The following PRUNE1 variants were observed in gnomAD, a reference collection of about 807,000 sequenced individuals.
PRUNE1 encodes the protein exopolyphosphatase PRUNE1.
A neutral mutation model predicts 42.5 loss-of-function variants in PRUNE1; 25 were observed. The observed-to-expected ratio is 0.59, with a 90% CI of 0.43 to 0.82. The LOEUF (loss-of-function observed/expected upper bound fraction) is 0.82, where lower values mean the gene tolerates loss of function less well. Ranked by LOEUF, PRUNE1 falls within the 40% of genes least tolerant of loss-of-function variation. PRUNE1 has a pLI of 0.00. For synonymous variants in PRUNE1, 203 were observed against 217.1 expected (o/e 0.93, Z 0.57); for missense variants, 443 against 539.3 (o/e 0.82, Z 1.77).
At chr1:151,022,966 A>C (rs2102921749) in intron 3 of PRUNE1, 1 of 152,300 alleles carries the variant, frequency 6.6e-6, no homozygotes, top group Admixed American at 6.6e-5. Context: ...AATCAAATGC[A>C]GGCAGGCGTG....
chr1:151,009,155 C>T (rs760082957), intron 1 of PRUNE1, among the ~76,000 whole-genome samples: 4 of 152,124 alleles, frequency 2.6e-5, no homozygotes, highest in Non-Finnish European at 5.9e-5. Context: ...TTATTTCCTC[C>T]GAATGGCAGT....
chr1:151,021,233 A>G (rs1674412832), intron 3 of PRUNE1, among the ~76,000 whole-genome samples: 2 of 151,798 alleles, frequency 1.3e-5, no homozygotes, highest in Admixed American at 1.3e-4. Flanking sequence ...GGCGGGCAGA[A>G]TCACCTGAGG....
chr1:151,009,433 C>A (rs1015346768), intron 1 of PRUNE1, among the ~76,000 whole-genome samples: 1 of 152,176 alleles, frequency 6.6e-6, no homozygotes, highest in Non-Finnish European at 1.5e-5. Flanking sequence ...ATTTTTGGTG[C>A]TCTCTGACTC....
chr1:151,008,508 T>C lies in PRUNE1; in HGVS notation c.-125T>C. 1 of 1,326,018 alleles carries C rather than the reference T, an allele frequency of 7.5e-7. No individual in the cohort carries two copies. Among genetic ancestry groups the C allele is most frequent in the South Asian group, 1.2e-5 (1 of 83,258 alleles). The allele number at this position is 1,326,018 out of a possible 1,614,324, so 82.1% of individuals were successfully genotyped here. On this transcript the variant is annotated 5_prime_UTR_variant, in exon 1 of 8. Coordinates refer to ENST00000271620, the MANE Select transcript of PRUNE1 (RefSeq NM_021222.3). ...CGATTCGCCGTGTGGCGGGTTCGAG[T>C]CCCGCCTCCTGACTCTGGCCTCTAG... is the stretch of plus-strand genomic sequence containing the variant.
intron 5 of PRUNE1, among the ~76,000 whole-genome samples, chr1:151,026,197 C>CTA (rs1674826379): frequency 6.6e-6 from 1 of 151,666 alleles, no homozygotes; most frequent in Non-Finnish European, 1.5e-5. Context: ...TGGCTCACGC[C>CTA]TGTAATCCCA....
chr1:151,027,429 T>C (rs997389834), intron 6 of PRUNE1, 102 bp downstream of exon 6: 5 of 792,174 alleles, frequency 6.3e-6, no homozygotes, highest in Non-Finnish European at 1.0e-5. Context: ...CCAAAATGTA[T>C]CTTGTGTCTA....
At chr1:151,014,696 T>A (rs1673992087) in intron 1 of PRUNE1, among the ~76,000 whole-genome samples, 1 of 152,222 alleles carries the variant, frequency 6.6e-6, no homozygotes. Context: ...CTTCCCTGAT[T>A]GAAGAAGTCA....
At chr1:151,009,730 T>C (rs915723644) in intron 1 of PRUNE1, among the ~76,000 whole-genome samples, 1 of 152,238 alleles carries the variant, frequency 6.6e-6, no homozygotes, top group Non-Finnish European at 1.5e-5. Context: ...ATTGTCTTCA[T>C]ATTGAATTGG....
At chr1:151,020,992 A>G (rs1358070510) in intron 3 of PRUNE1, among the ~76,000 whole-genome samples, 4 of 151,692 alleles carry the variant, frequency 2.6e-5, no homozygotes, top group Non-Finnish European at 5.9e-5. Flanking sequence ...TAAAAAAAAA[A>G]AAAAATAGCT....
intron 5 of PRUNE1, among the ~76,000 whole-genome samples, chr1:151,026,673 G>A (rs907437377): frequency 6.6e-6 from 1 of 151,804 alleles, no homozygotes; most frequent in South Asian, 2.1e-4. Flanking sequence ...ACATAAAAAG[G>A]AAGAAAGAAA....
intron 1 of PRUNE1, among the ~76,000 whole-genome samples, chr1:151,017,413 G>A (rs1674173163): frequency 6.6e-6 from 1 of 152,098 alleles, no homozygotes; most frequent in South Asian, 2.1e-4. Flanking sequence ...TACCTCCTCT[G>A]TGAAGATCAA....
rs1009061390 is a variant in PRUNE1 at position 151,031,144 on chromosome 1, A to G, written c.933+2200A>G. On this transcript the variant is annotated intron_variant, in intron 7 of 7. Transcript: ENST00000271620. ...TTGTCTAGGTTGCCCCTATGCTTGG[A>G]AACAGGAGTCCTTCTCTCTCTGTTT... is the stretch of plus-strand genomic sequence containing the variant. Among the ~76,000 whole-genome samples, 126 of 151,106 alleles carry G rather than the reference A, an allele frequency of 8.3e-4. 1 individual carries two copies. The highest frequency in any genetic ancestry group is 3.4e-3 in the Middle Eastern group (1 of 292).
chr1:151,022,462 A>G (rs1329432420), intron 3 of PRUNE1, among the ~76,000 whole-genome samples: 1 of 143,574 alleles, frequency 7.0e-6, no homozygotes, highest in Non-Finnish European at 1.5e-5. Flanking sequence ...TCTGTCGCCC[A>G]GGCTGGAGTG....
At chr1:151,032,729 T>C (rs978118332) in intron 7 of PRUNE1, among the ~76,000 whole-genome samples, 2 of 126,702 alleles carry the variant, frequency 1.6e-5, no homozygotes, top group Non-Finnish European at 3.5e-5. Flanking sequence ...AAAAAAAAAA[T>C]ACTGTGTATA....
intron 3 of PRUNE1, among the ~76,000 whole-genome samples, chr1:151,019,196 G>C (rs986143702): frequency 7.9e-5 from 12 of 152,206 alleles, no homozygotes; most frequent in African/African-American, 2.9e-4. Context: ...AAAAGAAATA[G>C]AACGTGTTGA....
chr1:151,025,613 G>A lies in PRUNE1; in HGVS notation c.619G>A (p.Asp207Asn), dbSNP rs1674781817. ...YVEKLEALFP[D>N]LPKRNDIFDS... Reference sequence around the variant, plus strand: ...GGAGAAACTAGAGGCCCTTTTCCCAGACCTACCCAAGAGAAATGATATATT... The same window carrying A: ...GGAGAAACTAGAGGCCCTTTTCCCAAACCTACCCAAGAGAAATGATATATT... Residue 207 changes from aspartate (D) to asparagine (N), a missense_variant, in exon 5 of 8, where the codon GAC (aspartate) becomes AAC (asparagine). By Grantham distance (23) the Asp-to-Asn change is conservative. Transcript: ENST00000271620. 4.3e-6 allele frequency: 7 copies of A among 1,613,894 alleles called. No homozygotes were observed. Among genetic ancestry groups the A allele is most frequent in the Middle Eastern group, 1.6e-4 (1 of 6,062 alleles).
intron 1 of PRUNE1, 154 bp downstream of exon 1, chr1:151,008,825 A>C (rs1673539177): frequency 1.1e-6 from 1 of 944,954 alleles, no homozygotes; most frequent in Non-Finnish European, 1.7e-6. Context: ...GGGCATGAGG[A>C]GCGAGGAGCG....
chr1:151,022,574 C>A (rs1185937895), intron 3 of PRUNE1, among the ~76,000 whole-genome samples: 1 of 151,776 alleles, frequency 6.6e-6, no homozygotes, highest in Non-Finnish European at 1.5e-5. Context: ...GTGCCCGCCA[C>A]CACACCTGGC....
chr1:151,013,604 T>C (rs587732586), intron 1 of PRUNE1, among the ~76,000 whole-genome samples: 1 of 152,322 alleles, frequency 6.6e-6, no homozygotes, highest in South Asian at 2.1e-4. Context: ...CAGCATCTCT[T>C]TGGACCCTGC....
Sources: allele counts gnomAD v4.1 joint callset (sites outside exome capture counted in the v4.1 genomes callset), GRCh38; gene constraint gnomAD v4.1.1; transcripts MANE v1.5; gene names NCBI Gene and HGNC (gene_info 2026-07-23, HGNC 2026-07-21).